Variants in AGO2 observed in about 807,000 individuals in gnomAD.
AGO2 encodes protein argonaute-2.
AGO2 carries 5 observed loss-of-function variants against 102.3 expected under a neutral mutation model. The observed-to-expected ratio is 0.05, with a 90% CI of 0.03 to 0.10. The LOEUF is 0.10. AGO2 is among the 10% of genes least tolerant of loss of function. AGO2 has a pLI of 1.00. For synonymous variants in AGO2, 449 were observed against 473.1 expected (o/e 0.95, Z 0.66); for missense variants, 541 against 1,183.7 (o/e 0.46, Z 7.97).
chr8:140,608,086 T>G (rs1416085324), intron 1 of AGO2, among the ~76,000 whole-genome samples: 1 of 152,176 alleles, frequency 6.6e-6, no homozygotes, highest in East Asian at 1.9e-4. Flanking sequence ...CAACAGGTTC[T>G]TTAGATCTTT....
At chr8:140,631,222 C>T (rs1045448604) in intron 1 of AGO2, among the ~76,000 whole-genome samples, 8 of 152,108 alleles carry the variant, frequency 5.3e-5, no homozygotes, top group Admixed American at 2.6e-4. Flanking sequence ...GGAGGGGAGG[C>T]ACGAATGCTC....
At chr8:140,544,739 G>A (rs1392336755) in intron 13 of AGO2, among the ~76,000 whole-genome samples, 1 of 152,206 alleles carries the variant, frequency 6.6e-6, no homozygotes, top group East Asian at 1.9e-4. Context: ...ACGCTGAGAG[G>A]CCTCCACTCA....
At position 140,590,719 on chromosome 8, in the gene AGO2, G is replaced by A. The variant is rs940182387; in HGVS notation, c.23-5408C>T. 5.3e-5 allele frequency among the ~76,000 whole-genome samples: 8 copies of A among 152,160 alleles called. No homozygotes were observed. In the East Asian group the frequency reaches 5.8e-4, roughly 11 times the overall value. ...AGGAGCCACTGCATCAGTGCTCCTCGGAACCAGGGGCATCGTCTCAGGAGC... is the reference window on the plus strand; with the variant it reads ...AGGAGCCACTGCATCAGTGCTCCTCAGAACCAGGGGCATCGTCTCAGGAGC... On this transcript the variant is annotated intron_variant, in intron 1 of 18. Transcript: ENST00000220592.
At position 140,531,460 on chromosome 8, in the gene AGO2, G is replaced by A. The variant is rs1420836525; in HGVS notation, c.*584C>T. The A allele has an allele frequency of 6.5e-6, 1 of 153,018 alleles. No homozygotes were observed. Among genetic ancestry groups the A allele is most frequent in the Non-Finnish European group, 1.5e-5 (1 of 68,406 alleles). 9.5% of individuals were successfully genotyped at this position (153,018 alleles called of 1,614,324 possible). A position where few individuals can be genotyped will look rare whatever the true frequency, so the allele number is the denominator to read the frequency against. On this transcript the variant is annotated 3_prime_UTR_variant, in exon 19 of 19. Transcript: ENST00000220592. ...CTCCTTAGTTCAGGCCGGGTGAAGGGCGGTGCTGGCAGAACACGGCACCTG... is the reference window on the plus strand; with the variant it reads ...CTCCTTAGTTCAGGCCGGGTGAAGGACGGTGCTGGCAGAACACGGCACCTG...
Position 140,520,923 on chromosome 8 carries a change from A to T in AGO2, c.*11121T>A, listed in dbSNP as rs947514944. ...AGCCAGATATTGCAGCAATTTTTTT[A>T]AATTTTTTTAAATTTTTATTTTTTA... On this transcript the variant is annotated 3_prime_UTR_variant, in exon 19 of 19. Transcript: ENST00000220592. 4 of 152,152 alleles carry T rather than the reference A, an allele frequency of 2.6e-5. No homozygotes were observed. Among genetic ancestry groups the T allele is most frequent in the Non-Finnish European group, 4.4e-5 (3 of 68,020 alleles). The allele number at this position is 152,152 out of a possible 1,614,324, so 9.4% of individuals were successfully genotyped here. A position where few individuals can be genotyped will look rare whatever the true frequency, so the allele number is the denominator to read the frequency against.
Position 140,539,290 on chromosome 8 carries a change from C to A in AGO2, c.2169+30G>T. ...GTGTGGGGCTGAGGGGAGAACCGTG[C>A]CCCCTGCCTGGAGTCATGCAGAAAC... On this transcript the variant is annotated intron_variant, in intron 16 of 18. Transcript: ENST00000220592. The surrounding 1 kb of genome is among the most constrained non-coding windows in gnomAD (Gnocchi z 4.7). 2 of 1,578,056 alleles carry A rather than the reference C, an allele frequency of 1.3e-6. No homozygotes were observed. The highest frequency in any genetic ancestry group is 1.2e-5 in the South Asian group (1 of 86,018).
chr8:140,621,533 T>G (rs993921649), intron 1 of AGO2, among the ~76,000 whole-genome samples: 3 of 152,176 alleles, frequency 2.0e-5, no homozygotes, highest in African/African-American at 7.2e-5. Flanking sequence ...CTTTGACATA[T>G]GAGGCATCCA....
chr8:140,625,694 T>A (rs945217441), intron 1 of AGO2, among the ~76,000 whole-genome samples: 3 of 151,930 alleles, frequency 2.0e-5, no homozygotes, highest in African/African-American at 7.3e-5. Flanking sequence ...ACCATGCGCA[T>A]CCCCGACCAG....
chr8:140,554,559 A>AT (rs1445592949), intron 10 of AGO2, among the ~76,000 whole-genome samples: 1 of 152,184 alleles, frequency 6.6e-6, no homozygotes, highest in Non-Finnish European at 1.5e-5. Context: ...TCCCTGGGTG[A>AT]TTTTACAAAG....
Position 140,632,682 on chromosome 8 carries a change from A to G in AGO2, c.22+2803T>C, listed in dbSNP as rs145462698. ...TAATTTGTTCATCAGTGAAGGTTCA[A>G]GGTCATTGGAGAATCCACCCATCTT... On this transcript the variant is annotated intron_variant, in intron 1 of 18. Coordinates refer to ENST00000220592, the MANE Select transcript of AGO2 (RefSeq NM_012154.5). Among the ~76,000 whole-genome samples, 4 of 152,358 alleles carry G rather than the reference A, an allele frequency of 2.6e-5. No homozygotes were observed. The East Asian group carries it at 7.7e-4, about 29-fold the overall frequency.
chr8:140,546,834 G>A (rs893033621), intron 13 of AGO2, among the ~76,000 whole-genome samples: 2 of 152,232 alleles, frequency 1.3e-5, no homozygotes, highest in Non-Finnish European at 2.9e-5. Context: ...CAGGTTGGTG[G>A]CTTTGGAGGA....
At chr8:140,635,459 C>A in intron 1 of AGO2, 26 bp downstream of exon 1, 1 of 979,726 alleles carries the variant, frequency 1.0e-6, no homozygotes, top group Non-Finnish European at 1.2e-6. Context: ...AACGGCCGGG[C>A]GGGCGCCCCG....
At chr8:140,597,483 C>CCCCCCCCCCG (rs2073865184) in intron 1 of AGO2, among the ~76,000 whole-genome samples, 1 of 138,234 alleles carries the variant, frequency 7.2e-6, no homozygotes, top group African/African-American at 3.0e-5. Context: ...CACCCCCCCC[C>CCCCCCCCCCG]CCCCGCCCCA....
At chr8:140,546,978 C>A (rs1193412904) in intron 13 of AGO2, among the ~76,000 whole-genome samples, 1 of 152,188 alleles carries the variant, frequency 6.6e-6, no homozygotes, top group African/African-American at 2.4e-5. Flanking sequence ...CTGAGACCGG[C>A]AGGTGGCCAG....
At chr8:140,584,162 G>C (rs1272096533) in intron 2 of AGO2, among the ~76,000 whole-genome samples, 1 of 149,104 alleles carries the variant, frequency 6.7e-6, no homozygotes, top group Admixed American at 6.6e-5. Context: ...AACAAAACAG[G>C]CAAAATACTT....
At chr8:140,631,038 A>G (rs1205283009) in intron 1 of AGO2, among the ~76,000 whole-genome samples, 1 of 152,184 alleles carries the variant, frequency 6.6e-6, no homozygotes, top group Non-Finnish European at 1.5e-5. Context: ...TGGGCAACAG[A>G]GAACAACCCC....
At chr8:140,586,263 C>T (rs1354216916) in intron 1 of AGO2, among the ~76,000 whole-genome samples, 1 of 152,188 alleles carries the variant, frequency 6.6e-6, no homozygotes, top group African/African-American at 2.4e-5. Context: ...GAGGCTGAGG[C>T]GGGTAGATTA....
Position 140,589,588 on chromosome 8 carries a change from C to A in AGO2, c.23-4277G>T, listed in dbSNP as rs1361736035. ...AGTCATTATTCAAAGCCATGCTTCC[C>A]GATGGTCCTCCTAGAACTCTGCATT... On this transcript the variant is annotated intron_variant, in intron 1 of 18. Transcript: ENST00000220592. This position sits in a 1 kb window ranked among gnomAD's most constrained non-coding sequence, Gnocchi z 4.2. Among the ~76,000 whole-genome samples the A allele has an allele frequency of 6.6e-6, 1 of 152,168 alleles. No homozygotes were observed. Among genetic ancestry groups the A allele is most frequent in the African/African-American group, 2.4e-5 (1 of 41,448 alleles).
chr8:140,545,646 T>G (rs77575489), intron 13 of AGO2, among the ~76,000 whole-genome samples: 1,614 of 152,302 alleles, frequency 0.011, 69 homozygotes, highest in East Asian at 0.067. Flanking sequence ...AGCCTCCCCG[T>G]CTAATGATGA....
Sources: gnomAD v4.1 joint callset for allele counts (sites outside exome capture counted in the v4.1 genomes callset) on GRCh38, gnomAD v4.1.1 for gene constraint, Gnocchi (gnomAD v3.1) non-coding constraint, MANE v1.5 for transcripts, NCBI Gene and HGNC (gene_info 2026-07-23, HGNC 2026-07-21) for gene names.